MAP4K3: variants seen among roughly 807,000 people sequenced by gnomAD.
The protein encoded by MAP4K3 is mitogen-activated protein kinase kinase kinase kinase 3.
A neutral mutation model predicts 143.5 loss-of-function variants in MAP4K3; 94 were observed. That is an observed-to-expected ratio of 0.65 (90% confidence interval 0.55 to 0.78). The LOEUF (loss-of-function observed/expected upper bound fraction) is 0.78, where lower values mean the gene tolerates loss of function less well. Among genes scored for constraint, MAP4K3 ranks in the 30% least tolerant of loss-of-function variants. The pLI is 0.00. For synonymous variants in MAP4K3, 416 were observed against 347.2 expected, an observed-to-expected ratio of 1.20 and a Z score of -2.20; for missense variants, 1,077 against 1,068.1, an observed-to-expected ratio of 1.01 and a Z score of -0.12.
At chr2:39,384,711 T>C (rs1666447335) in intron 1 of MAP4K3, among the ~76,000 whole-genome samples, 1 of 152,252 alleles carries the variant, frequency 6.6e-6, no homozygotes, top group South Asian at 2.1e-4. Context: ...AACTGAATTT[T>C]GTTTAATTGT....
intron 1 of MAP4K3, among the ~76,000 whole-genome samples, chr2:39,420,088 G>A (rs1667505133): frequency 6.6e-6 from 1 of 152,212 alleles, no homozygotes. Flanking sequence ...CCTAGGGTCA[G>A]AGAGAGATTC....
chr2:39,324,134 G>A (rs1279899183), intron 12 of MAP4K3, among the ~76,000 whole-genome samples: 2 of 152,150 alleles, frequency 1.3e-5, no homozygotes, highest in Non-Finnish European at 2.9e-5. Flanking sequence ...TTCAGGCCAG[G>A]TGCGGTGGCT....
chr2:39,329,951 T>C (rs1479703713), intron 8 of MAP4K3, among the ~76,000 whole-genome samples: 1 of 152,086 alleles, frequency 6.6e-6, no homozygotes, highest in Non-Finnish European at 1.5e-5. Flanking sequence ...AATATGAATG[T>C]AGAGAGTTGA....
At chr2:39,385,631 A>ATTT (rs373126017) in intron 1 of MAP4K3, among the ~76,000 whole-genome samples, 1 of 120,462 alleles carries the variant, frequency 8.3e-6, no homozygotes, top group African/African-American at 3.3e-5. Context: ...ATGATTTGCA[A>ATTT]TTTTTTTTTT....
At chr2:39,356,759 C>G (rs1393305854) in intron 2 of MAP4K3, among the ~76,000 whole-genome samples, 1 of 152,116 alleles carries the variant, frequency 6.6e-6, no homozygotes, top group Non-Finnish European at 1.5e-5. Context: ...ATGCTTTATA[C>G]AAGTATTTGC....
intron 19 of MAP4K3, 36 bp downstream of exon 19, chr2:39,290,256 C>CT (rs1681983248): frequency 2.0e-6 from 3 of 1,527,070 alleles, no homozygotes; most frequent in Non-Finnish European, 2.7e-6. Flanking sequence ...AGAACAATAA[C>CT]ACACATATAT....
chr2:39,357,566 G>A (rs1023821773), intron 2 of MAP4K3, among the ~76,000 whole-genome samples: 2 of 152,178 alleles, frequency 1.3e-5, no homozygotes, highest in African/African-American at 4.8e-5. Flanking sequence ...AAATAATGGA[G>A]AAGAGACAGT....
intron 31 of MAP4K3, among the ~76,000 whole-genome samples, chr2:39,257,491 T>C (rs905804306): frequency 2.0e-5 from 3 of 152,104 alleles, no homozygotes; most frequent in Non-Finnish European, 4.4e-5. Flanking sequence ...AATTCAAAAC[T>C]ATGTTATAAG....
intron 21 of MAP4K3, among the ~76,000 whole-genome samples, chr2:39,286,044 G>A (rs1036712450): frequency 2.0e-5 from 3 of 152,218 alleles, no homozygotes; most frequent in Non-Finnish European, 4.4e-5. Context: ...GAGCAGCAAT[G>A]TCACTACTTA....
chr2:39,368,668 C>G (rs757409498), intron 2 of MAP4K3, among the ~76,000 whole-genome samples: 10 of 150,084 alleles, frequency 6.7e-5, no homozygotes, highest in African/African-American at 2.5e-4. Context: ...GATCCTGTCT[C>G]TAAAAGAAAA....
chr2:39,304,935 A>G (rs1028978643), intron 15 of MAP4K3, among the ~76,000 whole-genome samples: 1 of 152,222 alleles, frequency 6.6e-6, no homozygotes, highest in Admixed American at 6.5e-5. Context: ...TTACGAAATT[A>G]TGCTAAGTAG....
rs1682072960 is a variant in MAP4K3 at position 39,292,197 on chromosome 2, A to G, written c.1271+576T>C. On this transcript the variant is annotated intron_variant, in intron 18 of 33. Coordinates refer to ENST00000263881, the MANE Select transcript of MAP4K3 (RefSeq NM_003618.4). ...TTCTTTGTAGTTGTAGTAAAATTAC[A>G]GCAGCTATCAATCACTGATAAATCT... Among the ~76,000 whole-genome samples, 3 of 152,390 alleles carry G rather than the reference A, an allele frequency of 2.0e-5. No homozygotes were observed. In the South Asian group the frequency reaches 6.2e-4, roughly 32 times the overall value.
At chr2:39,358,005 G>A (rs551373472) in intron 2 of MAP4K3, among the ~76,000 whole-genome samples, 5 of 152,298 alleles carry the variant, frequency 3.3e-5, no homozygotes, top group African/African-American at 9.6e-5. Context: ...CTCAAAGGGA[G>A]TCAGCCTTAG....
At chr2:39,281,983 C>T (rs1348680302) in intron 22 of MAP4K3, among the ~76,000 whole-genome samples, 2 of 151,944 alleles carry the variant, frequency 1.3e-5, no homozygotes, top group African/African-American at 2.4e-5. Context: ...CACCTGAGGT[C>T]AGAAGTTCAA....
chr2:39,315,549 G>A, intron 12 of MAP4K3, 161 bp from the exon 13 acceptor site: 1 of 535,648 alleles, frequency 1.9e-6, no homozygotes, highest in East Asian at 3.1e-5. Context: ...AACCACAATA[G>A]CAGCTCAAAC....
At chr2:39,421,603 T>A (rs1572511206) in intron 1 of MAP4K3, among the ~76,000 whole-genome samples, 2 of 152,148 alleles carry the variant, frequency 1.3e-5, no homozygotes, top group East Asian at 3.8e-4. Context: ...GTGAAGAGAA[T>A]TAAAATGAGA....
intron 26 of MAP4K3, 32 bp from the exon 27 acceptor site, chr2:39,267,279 A>G: frequency 6.5e-7 from 1 of 1,528,838 alleles, no homozygotes; most frequent in Non-Finnish European, 9.1e-7. Context: ...TACGTAATAT[A>G]TGTAGGCAAA....
chr2:39,290,895 G>A (rs1682014443), intron 18 of MAP4K3, among the ~76,000 whole-genome samples: 1 of 152,002 alleles, frequency 6.6e-6, no homozygotes, highest in African/African-American at 2.4e-5. Context: ...TGGTTAACAT[G>A]GTGAAACACC....
At position 39,325,710 on chromosome 2, in the gene MAP4K3, T is replaced by C. The variant is rs1191593981; in HGVS notation, c.807+20A>G. 6.3e-7 allele frequency: 1 copy of C among 1,585,622 alleles called. No homozygotes were observed. Reference sequence around the variant, plus strand: ...TTATCTTTTGAAATATATATATATATTTCAGGGCAAAAATAATACCTGTAA... The same window carrying C: ...TTATCTTTTGAAATATATATATATACTTCAGGGCAAAAATAATACCTGTAA... On this transcript the variant is annotated intron_variant, in intron 11 of 33. Coordinates refer to ENST00000263881, the MANE Select transcript of MAP4K3 (RefSeq NM_003618.4).
Sources: gnomAD v4.1 joint callset for allele counts (sites outside exome capture counted in the v4.1 genomes callset) on GRCh38, gnomAD v4.1.1 for gene constraint, MANE v1.5 for transcripts, NCBI Gene and HGNC (gene_info 2026-07-23, HGNC 2026-07-21) for gene names.